SIPA1L1: variants seen among roughly 807,000 people sequenced by gnomAD.
The protein encoded by SIPA1L1 is signal-induced proliferation-associated 1-like protein 1.
SIPA1L1 carries 26 observed loss-of-function variants against 162.7 expected under a neutral mutation model. The ratio of observed to expected loss-of-function variants is 0.16; its 90% confidence interval spans 0.12 to 0.22. SIPA1L1 has a LOEUF of 0.22. Ranked by LOEUF, SIPA1L1 falls within the 10% of genes least tolerant of loss-of-function variation. SIPA1L1 has a pLI of 1.00. For synonymous variants in SIPA1L1, 829 were observed against 837.4 expected (o/e 0.99, Z 0.17); for missense variants, 1,874 against 2,241.0 (o/e 0.84, Z 3.31).
At chr14:71,708,030 T>TG (rs2082596705) in intron 16 of SIPA1L1, among the ~76,000 whole-genome samples, 1 of 21,042 alleles carries the variant, frequency 4.8e-5, no homozygotes, top group East Asian at 8.9e-3. Flanking sequence ...TTTTTTTTTG[T>TG]TTTTTTTTTT....
intron 1 of SIPA1L1, 120 bp downstream of exon 1, chr14:71,320,623 C>G (rs1339963270): frequency 6.6e-6 from 1 of 151,510 alleles, no homozygotes; most frequent in Non-Finnish European, 1.5e-5. Context: ...TCCCCATTTC[C>G]TCCCCCACCG....
At chr14:71,707,047 A>AG (rs2082496814) in intron 16 of SIPA1L1, among the ~76,000 whole-genome samples, 1 of 151,084 alleles carries the variant, frequency 6.6e-6, no homozygotes, top group Admixed American at 6.6e-5. Context: ...AAAAAAAAAA[A>AG]AAAGAAACTG....
chr14:71,354,281 C>G (rs990944013), intron 2 of SIPA1L1, among the ~76,000 whole-genome samples: 1 of 137,746 alleles, frequency 7.3e-6, no homozygotes, highest in Non-Finnish European at 1.6e-5. Flanking sequence ...TCATTTGTTT[C>G]TTTTTTTTTT....
chr14:71,373,284 C>T (rs1191950150), intron 2 of SIPA1L1, among the ~76,000 whole-genome samples: 2 of 138,850 alleles, frequency 1.4e-5, no homozygotes, highest in Non-Finnish European at 3.1e-5. Flanking sequence ...GCACTCCAAC[C>T]TGTGCGACAG....
chr14:71,724,795 A>G lies in SIPA1L1; in HGVS notation c.4574A>G (p.Asp1525Gly). 8 of 1,614,218 alleles carry G rather than the reference A, an allele frequency of 5.0e-6. No individual in the cohort carries two copies. The highest frequency in any genetic ancestry group is 6.8e-6 in the Non-Finnish European group (8 of 1,180,038). The change falls in exon 19 of 24, where the codon GAT becomes GGT. Residue 1525 changes from aspartate to glycine, a missense_variant. Around this residue, in one of 5 missense-constraint regions of SIPA1L1, gnomAD observed 936 missense variants for 1,051.9 expected, o/e 0.89. Coordinates refer to ENST00000381232, the MANE Select transcript of SIPA1L1 (RefSeq NM_001386936.1). The part of the protein sequence containing the change: ...TIEEDLKKLI[D>G]LESPTPESQK... ...GAAGAAGATCTAAAGAAACTAATTGATCTTGAAAGCCCAACTCCTGAATCA... is the reference window on the plus strand; with the variant it reads ...GAAGAAGATCTAAAGAAACTAATTGGTCTTGAAAGCCCAACTCCTGAATCA...
chr14:71,542,320 C>CTCCTCT (rs371639294), intron 4 of SIPA1L1, among the ~76,000 whole-genome samples: 66 of 147,602 alleles, frequency 4.5e-4, no homozygotes, highest in African/African-American at 1.6e-3. Flanking sequence ...CCTCCTCTTC[C>CTCCTCT]TCCTCTTCCT....
intron 17 of SIPA1L1, among the ~76,000 whole-genome samples, chr14:71,715,254 GC>G (rs2083181725): frequency 6.6e-6 from 1 of 152,232 alleles, no homozygotes; most frequent in Non-Finnish European, 1.5e-5. Context: ...CAGCTATGTG[GC>G]CTGTGGCCAG....
At position 71,506,561 on chromosome 14, in the gene SIPA1L1, G is replaced by A. The variant is rs148668532; in HGVS notation, c.-464-6182G>A. On this transcript the variant is annotated intron_variant, in intron 2 of 23. Transcript: ENST00000381232. Reference sequence around the variant, plus strand: ...TTACCATGTTGGCCAGACAGGTCTCGAACTCTTGACCTCAGGCGATCCACC... The same window carrying A: ...TTACCATGTTGGCCAGACAGGTCTCAAACTCTTGACCTCAGGCGATCCACC... 1.2e-4 allele frequency among the ~76,000 whole-genome samples: 18 copies of A among 152,018 alleles called. No individual in the cohort carries two copies. The East Asian group carries it at 1.4e-3, about 11-fold the overall frequency.
At position 71,588,420 on chromosome 14, in the gene SIPA1L1, T is replaced by C; in HGVS notation, c.548T>C (p.Leu183Pro). The C allele has an allele frequency of 6.2e-7, 1 of 1,614,138 alleles. No individual in the cohort carries two copies. The highest frequency in any genetic ancestry group is 8.5e-7 in the Non-Finnish European group (1 of 1,179,984). ...RSNSDITISE[L>P]DVDSFDECIS... Reference sequence around the variant, plus strand: ...AACAGTGATATCACCATAAGTGAACTTGATGTGGATAGCTTTGATGAATGT... The same window carrying C: ...AACAGTGATATCACCATAAGTGAACCTGATGTGGATAGCTTTGATGAATGT... Residue 183 changes from leucine to proline, a missense_variant, in exon 5 of 24, where the codon CTT becomes CCT. Leu to Pro is a moderately conservative substitution (Grantham distance 98). Coordinates refer to ENST00000381232, the MANE Select transcript of SIPA1L1 (RefSeq NM_001386936.1). The surrounding 1 kb of genome is among the most constrained non-coding windows in gnomAD (Gnocchi z 4.3).
At position 71,377,431 on chromosome 14, in the gene SIPA1L1, G is replaced by C. The variant is rs2039501121; in HGVS notation, c.-465+56250G>C. ...ACCTCCCAGACAGGGTGGCAGCCGG[G>C]TAGAGATGCTCCTCACTTCCCAGAC... On this transcript the variant is annotated intron_variant, in intron 2 of 23. Transcript: ENST00000381232. The surrounding 1 kb of genome is among the most constrained non-coding windows in gnomAD (Gnocchi z 4.8). Among the ~76,000 whole-genome samples, 1 of 151,838 alleles carries C rather than the reference G, an allele frequency of 6.6e-6. No homozygotes were observed. The highest frequency in any genetic ancestry group is 2.1e-4 in the South Asian group (1 of 4,810).
chr14:71,550,366 T>C (rs569041142), intron 4 of SIPA1L1, among the ~76,000 whole-genome samples: 2 of 152,268 alleles, frequency 1.3e-5, no homozygotes, highest in South Asian at 4.1e-4. Context: ...AGAAAAGGTA[T>C]AGTGTGGAGT....
intron 13 of SIPA1L1, 68 bp from the exon 14 acceptor site, chr14:71,698,913 C>A: frequency 6.7e-7 from 1 of 1,494,394 alleles, no homozygotes; most frequent in Non-Finnish European, 9.3e-7. Flanking sequence ...ATGATATTAT[C>A]CATCATGCGT....
At chr14:71,363,778 T>C (rs1281190206) in intron 2 of SIPA1L1, among the ~76,000 whole-genome samples, 1 of 152,216 alleles carries the variant, frequency 6.6e-6, no homozygotes, top group Non-Finnish European at 1.5e-5. Context: ...AAAACTTGAA[T>C]GCACCAGCAA....
intron 2 of SIPA1L1, among the ~76,000 whole-genome samples, chr14:71,385,895 C>T (rs2040282756): frequency 6.6e-6 from 1 of 151,998 alleles, no homozygotes; most frequent in South Asian, 2.1e-4. Flanking sequence ...ACCATGTTGT[C>T]CAGGATGGTC....
intron 2 of SIPA1L1, among the ~76,000 whole-genome samples, chr14:71,437,137 T>A (rs1423388632): frequency 1.3e-5 from 2 of 152,320 alleles, no homozygotes; most frequent in South Asian, 2.1e-4. Context: ...TAATTTAAAA[T>A]TTTTAAAGCA....
chr14:71,696,398 C>G (rs1219247454), intron 13 of SIPA1L1, among the ~76,000 whole-genome samples: 1 of 152,252 alleles, frequency 6.6e-6, no homozygotes, highest in African/African-American at 2.4e-5. Flanking sequence ...ACATGGGTGT[C>G]TGGGCTTAGG....
chr14:71,606,831 A>G (rs1274885719), intron 5 of SIPA1L1, among the ~76,000 whole-genome samples: 1 of 152,160 alleles, frequency 6.6e-6, no homozygotes, highest in Non-Finnish European at 1.5e-5. Flanking sequence ...GGTGAGCAAT[A>G]CGGAAATAAC....
At chr14:71,582,433 T>A (rs1242782243) in intron 4 of SIPA1L1, among the ~76,000 whole-genome samples, 2 of 152,204 alleles carry the variant, frequency 1.3e-5, no homozygotes, top group Non-Finnish European at 2.9e-5. Flanking sequence ...ACTTTTGTGT[T>A]CTTTCCTTCA....
At chr14:71,554,290 T>C (rs958065644) in intron 4 of SIPA1L1, among the ~76,000 whole-genome samples, 2 of 152,198 alleles carry the variant, frequency 1.3e-5, no homozygotes, top group Non-Finnish European at 2.9e-5. Context: ...TTAAACAGTA[T>C]TACTGCTTTC....
Sources: gnomAD v4.1 joint callset for allele counts (sites outside exome capture counted in the v4.1 genomes callset) on GRCh38, gnomAD v4.1.1 for gene constraint, gnomAD v4.1.1 regional missense constraint, Gnocchi (gnomAD v3.1) non-coding constraint, MANE v1.5 for transcripts, NCBI Gene and HGNC (gene_info 2026-07-23, HGNC 2026-07-21) for gene names.